The following CALB2 variants were observed in gnomAD, a reference collection of about 807,000 sequenced individuals.
CALB2 encodes the protein calretinin.
CALB2 carries 34 observed loss-of-function variants against 45.9 expected under a neutral mutation model. That is an observed-to-expected ratio of 0.74 (90% CI 0.56 to 0.99). CALB2 has a LOEUF of 0.99. Ranked by LOEUF, CALB2 falls within the 50% of genes least tolerant of loss-of-function variation. The probability of loss-of-function intolerance (pLI) is 0.00; values close to 1 mark genes in which losing one functional copy is unlikely to be tolerated. For missense variants in CALB2, 344 were observed against 339.3 expected (o/e 1.01, Z -0.11); for synonymous variants, 142 against 129.6 (o/e 1.10, Z -0.65).
chr16:71,370,675 C>T (rs1402071058), intron 1 of CALB2, among the ~76,000 whole-genome samples: 1 of 152,084 alleles, frequency 6.6e-6, no homozygotes, highest in East Asian at 1.9e-4. Context: ...ATGTTATGAT[C>T]ACACTTATGA....
intron 1 of CALB2, among the ~76,000 whole-genome samples, chr16:71,365,363 G>A (rs966175386): frequency 6.6e-6 from 1 of 152,188 alleles, no homozygotes; most frequent in African/African-American, 2.4e-5. Flanking sequence ...GAAGCGACTG[G>A]ACGCAACATC....
chr16:71,385,183 G>T (rs1240069608), intron 9 of CALB2, among the ~76,000 whole-genome samples: 1 of 152,180 alleles, frequency 6.6e-6, no homozygotes, highest in Non-Finnish European at 1.5e-5. Context: ...TCTCTGGGAA[G>T]TTGGAAGTTA....
At chr16:71,365,114 G>T (rs1255748172) in intron 1 of CALB2, among the ~76,000 whole-genome samples, 1 of 152,228 alleles carries the variant, frequency 6.6e-6, no homozygotes, top group African/African-American at 2.4e-5. Flanking sequence ...CAAAGGGTAG[G>T]ATTTGACTGT....
chr16:71,368,379 T>A (rs527407917), intron 1 of CALB2, among the ~76,000 whole-genome samples: 37 of 152,262 alleles, frequency 2.4e-4, no homozygotes, highest in East Asian at 1.2e-3. Flanking sequence ...TATTCAGGCA[T>A]GTGCCCGTCG....
Position 71,368,660 on chromosome 16 carries a change from TTC to T in CALB2, c.95-3491_95-3490del, listed in dbSNP as rs2042313452. Among the ~76,000 whole-genome samples the T allele has an allele frequency of 2.0e-5, 3 of 152,314 alleles. No homozygotes were observed. The South Asian group carries it at 6.2e-4, about 32-fold the overall frequency. On this transcript the variant is annotated intron_variant, in intron 1 of 10. Transcript: ENST00000302628. Reference sequence around the variant, plus strand: ...CTTCTGTGTCCTGTGCCTCAGTGTCTTCTGTCACCAGAAAAGGATTCTACTCT... The same window carrying T: ...CTTCTGTGTCCTGTGCCTCAGTGTCTTGTCACCAGAAAAGGATTCTACTCT...
intron 10 of CALB2, among the ~76,000 whole-genome samples, chr16:71,388,695 T>A (rs1347480048): frequency 1.3e-5 from 2 of 151,880 alleles, no homozygotes; most frequent in Non-Finnish European, 2.9e-5. Flanking sequence ...CTTGCTTAAA[T>A]AGGGGCTGGG....
At chr16:71,380,019 G>A (rs536432548) in intron 4 of CALB2, among the ~76,000 whole-genome samples, 1 of 152,002 alleles carries the variant, frequency 6.6e-6, no homozygotes, top group Non-Finnish European at 1.5e-5. Context: ...AACTTGTCAG[G>A]GTGTTGCTTT....
At chr16:71,372,043 C>T in intron 1 of CALB2, 110 bp from the exon 2 acceptor site, 1 of 794,366 alleles carries the variant, frequency 1.3e-6, no homozygotes, top group South Asian at 1.4e-5. Context: ...TAGACACCTG[C>T]CTGTTGGCCA....
At chr16:71,382,162 AAAGG>A (rs767000658) in intron 4 of CALB2, among the ~76,000 whole-genome samples, 7 of 62,202 alleles carry the variant, frequency 1.1e-4, no homozygotes, top group South Asian at 4.4e-4. Context: ...GAAAGAAAAT[AAAGG>A]AAGGAAGGAA....
At chr16:71,371,520 T>C (rs1263975211) in intron 1 of CALB2, among the ~76,000 whole-genome samples, 3 of 152,202 alleles carry the variant, frequency 2.0e-5, no homozygotes, top group Non-Finnish European at 1.5e-5. Flanking sequence ...GCCTCCCTCC[T>C]GGCTTCTAGT....
rs758525704 is a variant in CALB2 at position 71,389,862 on chromosome 16, G to T, written c.813G>T (p.Met271Ile). Residue 271 changes from methionine to isoleucine, a missense_variant, in exon 11 of 11, where the codon ATG becomes ATT. Met to Ile is a conservative substitution (Grantham distance 10). This residue lies in a region of CALB2 where 263 missense variants were observed against 241.7 expected (regional missense o/e 1.09). Coordinates refer to ENST00000302628, the MANE Select transcript of CALB2 (RefSeq NM_001740.5). The part of the protein sequence containing the change: ...LEIVLCSEPP[M>I] ...TTGTGCTCTGCAGCGAGCCCCCCAT[G>T]TAAAGTGGGGACGGGGGCTGCTTCT... 1.2e-6 allele frequency: 2 copies of T among 1,606,972 alleles called. No individual in the cohort carries two copies. The highest frequency in any genetic ancestry group is 3.3e-5 in the Admixed American group (2 of 60,022).
intron 1 of CALB2, among the ~76,000 whole-genome samples, chr16:71,365,930 T>C (rs1389372609): frequency 6.6e-6 from 1 of 151,744 alleles, no homozygotes; most frequent in Admixed American, 6.6e-5. Flanking sequence ...AACAATGTTG[T>C]TTTCAGATAT....
intron 1 of CALB2, among the ~76,000 whole-genome samples, chr16:71,366,610 C>T (rs182056861): frequency 5.3e-5 from 8 of 152,224 alleles, no homozygotes; most frequent in African/African-American, 1.2e-4. Flanking sequence ...GGATTACAGG[C>T]GTGAGCCACC....
At chr16:71,387,461 C>T (rs962424780) in intron 10 of CALB2, among the ~76,000 whole-genome samples, 35 of 142,360 alleles carry the variant, frequency 2.5e-4, no homozygotes, top group African/African-American at 7.9e-4. Flanking sequence ...ACGGAAGGGC[C>T]TTTTTTTTTT....
intron 4 of CALB2, among the ~76,000 whole-genome samples, chr16:71,381,954 A>G (rs2144992831): frequency 6.7e-6 from 1 of 149,458 alleles, no homozygotes; most frequent in Middle Eastern, 3.4e-3. Flanking sequence ...GGTAGAGGCT[A>G]CAGTAAGCTT....
Position 71,389,768 on chromosome 16 carries a change from T to C in CALB2, c.719T>C (p.Leu240Pro). 1.2e-6 allele frequency: 2 copies of C among 1,613,796 alleles called. No homozygotes were observed. The highest frequency in any genetic ancestry group is 1.7e-6 in the Non-Finnish European group (2 of 1,179,814). The change falls in exon 11 of 11, where the codon CTC becomes CCC. Residue 240 changes from leucine (L) to proline (P), a missense_variant. Leu to Pro is a moderately conservative substitution (Grantham distance 98, BLOSUM62 -3). Around this residue, in one of 3 missense-constraint regions of CALB2, gnomAD observed 263 missense variants for 241.7 expected, o/e 1.09. Coordinates refer to ENST00000302628, the MANE Select transcript of CALB2 (RefSeq NM_001740.5). Reference protein sequence around the residue: ...KNKKEMNIQQLTNYRKSVMSL... With the variant: ...KNKKEMNIQQPTNYRKSVMSL... Reference sequence around the variant, plus strand: ...TCCTAGGAAATGAATATTCAACAGCTCACCAACTACAGAAAGAGCGTCATG... The same window carrying C: ...TCCTAGGAAATGAATATTCAACAGCCCACCAACTACAGAAAGAGCGTCATG...
chr16:71,369,697 A>G lies in CALB2; in HGVS notation c.95-2456A>G, dbSNP rs185435453. On this transcript the variant is annotated intron_variant, in intron 1 of 10. Coordinates refer to ENST00000302628, the MANE Select transcript of CALB2 (RefSeq NM_001740.5). ...GCTCTGAGCCCCCACCTCCTGCCCT[A>G]GCCTCGGGCTTCTGGAAGCTGCAGA... is the stretch of plus-strand genomic sequence containing the variant. Among the ~76,000 whole-genome samples, 3 of 152,144 alleles carry G rather than the reference A, an allele frequency of 2.0e-5. No individual in the cohort carries two copies. The East Asian group carries it at 5.8e-4, about 29-fold the overall frequency.
rs1390173918 is a variant in CALB2 at position 71,389,781 on chromosome 16, A to G, written c.732A>G (p.Arg244=). ...ATATTCAACAGCTCACCAACTACAGAAAGAGCGTCATGTCCTTGGCAGAGG... is the reference window on the plus strand; with the variant it reads ...ATATTCAACAGCTCACCAACTACAGGAAGAGCGTCATGTCCTTGGCAGAGG... The part of the protein sequence containing the change: ...EMNIQQLTNY[R]KSVMSLAEAG... Residue 244 remains arginine (R), a synonymous_variant, in exon 11 of 11, where the codon AGA becomes AGG. Transcript: ENST00000302628. 3.1e-6 allele frequency: 5 copies of G among 1,613,916 alleles called. No homozygotes were observed. The highest frequency in any genetic ancestry group is 4.2e-6 in the Non-Finnish European group (5 of 1,179,972).
At position 71,385,618 on chromosome 16, in the gene CALB2, T is replaced by C; in HGVS notation, c.669T>C (p.Leu223=). 6.2e-7 allele frequency: 1 copy of C among 1,613,944 alleles called. No homozygotes were observed. The highest frequency in any genetic ancestry group is 8.5e-7 in the Non-Finnish European group (1 of 1,179,964). The change falls in exon 10 of 11, where the codon CTT becomes CTC. Residue 223 remains leucine (L), a synonymous_variant. Coordinates refer to ENST00000302628, the MANE Select transcript of CALB2 (RefSeq NM_001740.5). ...TTGACGAGCATGAGCTGGATGCCCTTTTGAAGGATCTGTACGAGAAAAACA... is the reference window on the plus strand; with the variant it reads ...TTGACGAGCATGAGCTGGATGCCCTCTTGAAGGATCTGTACGAGAAAAACA... The part of the protein sequence containing the change: ...GYIDEHELDA[L]LKDLYEKNKK...
Sources: gnomAD v4.1 joint callset for allele counts (sites outside exome capture counted in the v4.1 genomes callset) on GRCh38, gnomAD v4.1.1 for gene constraint, gnomAD v4.1.1 regional missense constraint, MANE v1.5 for transcripts, NCBI Gene and HGNC (gene_info 2026-07-23, HGNC 2026-07-21) for gene names.